NCOA1: variants seen among roughly 807,000 people sequenced by gnomAD.
NCOA1 encodes the protein nuclear receptor coactivator 1.
Under a neutral mutation model 150.9 loss-of-function variants are expected in NCOA1, and 35 were observed. The ratio of observed to expected loss-of-function variants is 0.23; its 90% CI spans 0.18 to 0.31. The LOEUF (loss-of-function observed/expected upper bound fraction) is 0.31. NCOA1 is among the 10% of genes least tolerant of loss of function. The pLI is 1.00. For missense variants in NCOA1, 1,491 were observed against 1,749.3 expected (o/e 0.85, Z 2.63); for synonymous variants, 590 against 630.0 (o/e 0.94, Z 0.95).
intron 19 of NCOA1, among the ~76,000 whole-genome samples, chr2:24,750,926 G>A (rs1378038886): frequency 6.6e-6 from 1 of 150,704 alleles, no homozygotes; most frequent in East Asian, 2.0e-4. Context: ...AAGGGGGAAG[G>A]AGGGGGGGAA....
intron 22 of NCOA1, among the ~76,000 whole-genome samples, chr2:24,763,811 A>G (rs1358230499): frequency 1.3e-5 from 2 of 151,582 alleles, no homozygotes; most frequent in Non-Finnish European, 2.9e-5. Flanking sequence ...CAGTAGAGAC[A>G]GGTTTTCGCC....
chr2:24,519,704 T>C (rs1033651623), intron 1 of NCOA1, among the ~76,000 whole-genome samples: 1 of 149,956 alleles, frequency 6.7e-6, no homozygotes, highest in African/African-American at 2.5e-5. Flanking sequence ...GCCTAATTAC[T>C]AGTAGGCATA....
chr2:24,510,403 G>C (rs1663886086), intron 1 of NCOA1, among the ~76,000 whole-genome samples: 1 of 152,120 alleles, frequency 6.6e-6, no homozygotes, highest in South Asian at 2.1e-4. Context: ...TGGGAGTGAA[G>C]TGGCATGATC....
chr2:24,638,840 A>G (rs143823777), intron 3 of NCOA1, among the ~76,000 whole-genome samples: 1 of 152,214 alleles, frequency 6.6e-6, no homozygotes, highest in East Asian at 1.9e-4. Flanking sequence ...CATTTTTAAA[A>G]TCAGATTGTT....
chr2:24,642,692 T>G (rs1341446014), intron 3 of NCOA1, among the ~76,000 whole-genome samples: 1 of 152,192 alleles, frequency 6.6e-6, no homozygotes, highest in Non-Finnish European at 1.5e-5. Context: ...CATAGCAGCT[T>G]TTATTTGTAA....
intron 4 of NCOA1, among the ~76,000 whole-genome samples, chr2:24,650,453 T>C (rs557722618): frequency 2.3e-3 from 351 of 152,268 alleles, no homozygotes; most frequent in Non-Finnish European, 3.8e-3. Flanking sequence ...CTTTTGTTCA[T>C]TAAAGAATAC....
At chr2:24,587,478 A>G (rs1667463774) in intron 3 of NCOA1, among the ~76,000 whole-genome samples, 1 of 152,188 alleles carries the variant, frequency 6.6e-6, no homozygotes, top group Non-Finnish European at 1.5e-5. Flanking sequence ...ATTCACTGAA[A>G]GTCACATTAT....
rs767185890 is a variant in NCOA1 at position 24,691,642 on chromosome 2, A to C, written c.694A>C (p.Ile232Leu). Residue 232 changes from isoleucine (I) to leucine (L), a missense_variant, in exon 9 of 23, where the codon ATT becomes CTT. Ile to Leu is a conservative substitution (Grantham distance 5). This residue lies in a region of NCOA1 where 99 missense variants were observed against 122.8 expected (regional missense o/e 0.81). Transcript: ENST00000348332. ...QCFTVSQPKS[I>L]QEDGEDFQSC... ...TTTCACTGTGTCACAGCCAAAATCA[A>C]TTCAAGAGGATGGAGAAGGTAAAGC... 6.2e-7 allele frequency: 1 copy of C among 1,613,874 alleles called. No individual in the cohort carries two copies.
At chr2:24,552,525 C>T (rs1413260701) in intron 1 of NCOA1, among the ~76,000 whole-genome samples, 1 of 150,918 alleles carries the variant, frequency 6.6e-6, no homozygotes, top group Non-Finnish European at 1.5e-5. Context: ...GCCACCACAC[C>T]CAGCTAATTT....
At chr2:24,679,698 GT>G (rs1294649932) in intron 7 of NCOA1, among the ~76,000 whole-genome samples, 3 of 151,982 alleles carry the variant, frequency 2.0e-5, no homozygotes, top group African/African-American at 7.3e-5. Flanking sequence ...AATCTAAGGG[GT>G]TTTATAAACC....
At chr2:24,608,288 T>TTATTAG (rs1553435900) in intron 3 of NCOA1, among the ~76,000 whole-genome samples, 8 of 145,426 alleles carry the variant, frequency 5.5e-5, no homozygotes, top group Admixed American at 4.8e-4. Flanking sequence ...ATTATTATTA[T>TTATTAG]TATTATTATT....
chr2:24,684,548 C>T (rs1167316619), intron 8 of NCOA1, among the ~76,000 whole-genome samples: 2 of 152,138 alleles, frequency 1.3e-5, no homozygotes, highest in African/African-American at 2.4e-5. Flanking sequence ...GTGCTGCTCC[C>T]GGCTGCTTAC....
intron 1 of NCOA1, among the ~76,000 whole-genome samples, chr2:24,513,572 A>G (rs1217536203): frequency 6.6e-6 from 1 of 152,064 alleles, no homozygotes; most frequent in Non-Finnish European, 1.5e-5. Flanking sequence ...TTCTATAGAG[A>G]GCTTGTAAGG....
At chr2:24,554,934 C>T (rs1030990919) in intron 1 of NCOA1, among the ~76,000 whole-genome samples, 5 of 152,132 alleles carry the variant, frequency 3.3e-5, no homozygotes, top group Non-Finnish European at 7.3e-5. Flanking sequence ...GTATCCCAGA[C>T]GAGGTTCCCA....
At chr2:24,570,840 CTTGT>C (rs1666714734) in intron 2 of NCOA1, among the ~76,000 whole-genome samples, 1 of 152,146 alleles carries the variant, frequency 6.6e-6, no homozygotes, top group African/African-American at 2.4e-5. Flanking sequence ...AGACATATGT[CTTGT>C]TTTTCAACGA....
chr2:24,587,288 TA>T (rs1003389505), intron 3 of NCOA1, among the ~76,000 whole-genome samples: 10 of 150,690 alleles, frequency 6.6e-5, no homozygotes, highest in African/African-American at 2.0e-4. Context: ...AAGGAAGGAT[TA>T]AAAAAAAATA....
At chr2:24,747,172 A>G (rs763266348) in intron 19 of NCOA1, among the ~76,000 whole-genome samples, 49 of 152,174 alleles carry the variant, frequency 3.2e-4, no homozygotes, top group Non-Finnish European at 1.0e-4. Flanking sequence ...CAATATGAAC[A>G]GTTAGAATGT....
At chr2:24,692,431 TG>T (rs1315393126) in intron 9 of NCOA1, among the ~76,000 whole-genome samples, 1 of 152,190 alleles carries the variant, frequency 6.6e-6, no homozygotes, top group African/African-American at 2.4e-5. Context: ...AAACAAAACT[TG>T]GGAATGGGAC....
chr2:24,547,695 A>AT (rs1210081511), intron 1 of NCOA1, among the ~76,000 whole-genome samples: 1 of 151,914 alleles, frequency 6.6e-6, no homozygotes, highest in Non-Finnish European at 1.5e-5. Flanking sequence ...TTGTTAAAAA[A>AT]AAGGATGAGG....
Sources: allele counts gnomAD v4.1 joint callset (sites outside exome capture counted in the v4.1 genomes callset), GRCh38; gene constraint gnomAD v4.1.1; regional missense constraint gnomAD v4.1.1; transcripts MANE v1.5; gene names NCBI Gene and HGNC (gene_info 2026-07-23, HGNC 2026-07-21).